EHBP1: variants seen among roughly 807,000 people sequenced by gnomAD.
The protein encoded by EHBP1 is EH domain binding protein 1, also known as EH domain-binding protein 1.
In EHBP1, 55 loss-of-function variants were observed where a neutral mutation model predicts 144.0. The observed-to-expected ratio is 0.38, with a 90% confidence interval of 0.31 to 0.48. The LOEUF is 0.48. Among genes scored for constraint, EHBP1 ranks in the 20% least tolerant of loss-of-function variants. The pLI, the probability that EHBP1 is intolerant of heterozygous loss-of-function variation, is 0.98. For synonymous variants in EHBP1, 469 were observed against 472.7 expected, an observed-to-expected ratio of 0.99 and a Z score of 0.10; for missense variants, 1,200 against 1,364.2, an observed-to-expected ratio of 0.88 and a Z score of 1.90.
intron 3 of EHBP1, among the ~76,000 whole-genome samples, chr2:62,760,117 C>G (rs911850448): frequency 6.6e-6 from 1 of 151,988 alleles, no homozygotes; most frequent in Non-Finnish European, 1.5e-5. Flanking sequence ...GGTTTTGCAT[C>G]TTGTGCACAC....
chr2:63,045,646 T>G lies in EHBP1; in HGVS notation c.*146T>G, dbSNP rs778772061. On this transcript the variant is annotated 3_prime_UTR_variant, in exon 23 of 23. Transcript: ENST00000431489. This position sits in a 1 kb window ranked among gnomAD's most constrained non-coding sequence, Gnocchi z 5.7. ...TACCTCTACTTTACCACCACCACCC[T>G]TTTCCTCCCTCCTTTCCAAATAATA... is the stretch of plus-strand genomic sequence containing the variant. 3.2e-6 allele frequency: 2 copies of G among 616,768 alleles called. No individual in the cohort carries two copies. Among genetic ancestry groups the G allele is most frequent in the Non-Finnish European group, 5.7e-6 (2 of 352,130 alleles). 38.2% of individuals were successfully genotyped at this position (616,768 alleles called of 1,614,324 possible). A position where few individuals can be genotyped will look rare whatever the true frequency, so the allele number is the denominator to read the frequency against.
At chr2:62,867,183 A>G (rs1433518453) in intron 9 of EHBP1, among the ~76,000 whole-genome samples, 1 of 152,158 alleles carries the variant, frequency 6.6e-6, no homozygotes, top group Non-Finnish European at 1.5e-5. Context: ...TCAATAATGT[A>G]TTCTGGGTTT....
intron 21 of EHBP1, 145 bp from the exon 22 acceptor site, chr2:63,044,921 A>T (rs1212967591): frequency 4.8e-6 from 3 of 621,420 alleles, no homozygotes; most frequent in Non-Finnish European, 8.6e-6. Flanking sequence ...ACAACAGCCA[A>T]ACTCCCCAGA....
intron 14 of EHBP1, among the ~76,000 whole-genome samples, chr2:62,960,040 A>G (rs993885039): frequency 2.0e-5 from 3 of 152,184 alleles, no homozygotes; most frequent in Non-Finnish European, 2.9e-5. Context: ...CAGGGGATTC[A>G]GAAAAGGGTT....
intron 5 of EHBP1, among the ~76,000 whole-genome samples, chr2:62,825,276 T>C (rs1283574324): frequency 2.0e-5 from 3 of 152,100 alleles, no homozygotes; most frequent in African/African-American, 7.2e-5. Context: ...ATTATTTTGC[T>C]CTCCTGTTTT....
chr2:62,761,061 A>G (rs536617128), intron 3 of EHBP1, among the ~76,000 whole-genome samples: 1 of 152,264 alleles, frequency 6.6e-6, no homozygotes, highest in South Asian at 2.1e-4. Context: ...AGCTTGATTA[A>G]CCATAAGAGT....
At chr2:62,820,227 A>G (rs2045814654) in intron 5 of EHBP1, among the ~76,000 whole-genome samples, 1 of 147,014 alleles carries the variant, frequency 6.8e-6, no homozygotes, top group African/African-American at 2.5e-5. Flanking sequence ...AAAAAAAAGA[A>G]AAAAAAAAAA....
chr2:62,950,207 T>G (rs577787682), intron 13 of EHBP1, among the ~76,000 whole-genome samples: 53 of 152,240 alleles, frequency 3.5e-4, no homozygotes, highest in African/African-American at 1.2e-3. Flanking sequence ...AAAGCCAGAT[T>G]TGGGGGCCTC....
At chr2:62,961,077 C>T (rs1025743133) in intron 14 of EHBP1, among the ~76,000 whole-genome samples, 2 of 152,174 alleles carry the variant, frequency 1.3e-5, no homozygotes, top group Non-Finnish European at 1.5e-5. Context: ...GCCTGGAAAG[C>T]TGTTTCTAAG....
intron 7 of EHBP1, among the ~76,000 whole-genome samples, chr2:62,848,542 C>G (rs1226275420): frequency 3.3e-5 from 5 of 151,896 alleles, no homozygotes; most frequent in Non-Finnish European, 1.5e-5. Flanking sequence ...AGGCATACAT[C>G]AACAGAAGAA....
chr2:62,969,966 G>A (rs975470140), intron 14 of EHBP1, among the ~76,000 whole-genome samples: 2 of 152,106 alleles, frequency 1.3e-5, no homozygotes, highest in Admixed American at 1.3e-4. Flanking sequence ...CAAGCTGGCA[G>A]TAAAATATCT....
At chr2:62,895,778 G>A (rs1196051712) in intron 10 of EHBP1, among the ~76,000 whole-genome samples, 1 of 152,118 alleles carries the variant, frequency 6.6e-6, no homozygotes, top group Non-Finnish European at 1.5e-5. Context: ...AAACAAAATT[G>A]TTTAGTTAGA....
At chr2:62,915,285 A>G (rs2054520555) in intron 10 of EHBP1, among the ~76,000 whole-genome samples, 1 of 152,132 alleles carries the variant, frequency 6.6e-6, no homozygotes, top group Non-Finnish European at 1.5e-5. Flanking sequence ...AATGTATACC[A>G]GAAGAAGAAT....
At chr2:62,855,394 C>T (rs917967157) in intron 7 of EHBP1, among the ~76,000 whole-genome samples, 1 of 152,116 alleles carries the variant, frequency 6.6e-6, no homozygotes, top group Non-Finnish European at 1.5e-5. Flanking sequence ...CCATGCTGGC[C>T]TGCAGGCACC....
At chr2:62,847,815 T>C (rs529836029) in intron 7 of EHBP1, among the ~76,000 whole-genome samples, 8 of 152,344 alleles carry the variant, frequency 5.3e-5, no homozygotes, top group African/African-American at 1.7e-4. Context: ...AAAAGACATG[T>C]GACCTTATTT....
intron 14 of EHBP1, among the ~76,000 whole-genome samples, chr2:62,977,259 T>C (rs1194233347): frequency 1.3e-5 from 2 of 152,156 alleles, no homozygotes; most frequent in East Asian, 3.8e-4. Flanking sequence ...CCTCTCCCTG[T>C]TGGACAGGGC....
intron 19 of EHBP1, among the ~76,000 whole-genome samples, chr2:63,019,731 AAGGGAAGAGGAGGGG>A (rs1222751401): frequency 4.7e-4 from 65 of 138,612 alleles, no homozygotes; most frequent in African/African-American, 6.1e-4. Flanking sequence ...AAAGAAAGGG[AAGGGAAGAGGAGGGG>A]AGGGAAGAGG....
intron 5 of EHBP1, among the ~76,000 whole-genome samples, chr2:62,807,125 G>A (rs2044577807): frequency 1.3e-5 from 2 of 152,164 alleles, no homozygotes; most frequent in Non-Finnish European, 2.9e-5. Flanking sequence ...GAAAAAATTT[G>A]TGTATAAGTG....
intron 5 of EHBP1, among the ~76,000 whole-genome samples, chr2:62,804,696 C>T (rs907253489): frequency 2.6e-5 from 4 of 152,190 alleles, no homozygotes; most frequent in African/African-American, 9.7e-5. Flanking sequence ...TACCAATCCC[C>T]AGCCCTCAGG....
Sources: allele counts gnomAD v4.1 joint callset (sites outside exome capture counted in the v4.1 genomes callset), GRCh38; gene constraint gnomAD v4.1.1; non-coding constraint Gnocchi (gnomAD v3.1); transcripts MANE v1.5; gene names NCBI Gene and HGNC (gene_info 2026-07-23, HGNC 2026-07-21).